MEI4: variants seen among roughly 807,000 people sequenced by gnomAD.
The protein encoded by MEI4 is meiosis-specific protein MEI4.
MEI4 carries 27 observed loss-of-function variants against 31.4 expected under a neutral mutation model. The ratio of observed to expected loss-of-function variants is 0.86; its 90% CI spans 0.63 to 1.19. MEI4 has a LOEUF of 1.19. MEI4 is among the 50% of genes most tolerant of loss of function. The pLI is 0.00. For missense variants in MEI4, 329 were observed against 398.9 expected, an observed-to-expected ratio of 0.82 and a Z score of 1.49; for synonymous variants, 122 against 145.4, an observed-to-expected ratio of 0.84 and a Z score of 1.16.
At chr6:77,807,825 G>A (rs970917481) in intron 3 of MEI4, among the ~76,000 whole-genome samples, 3 of 152,110 alleles carry the variant, frequency 2.0e-5, no homozygotes, top group Non-Finnish European at 4.4e-5. Flanking sequence ...AGTTATTCCA[G>A]TGAACACCAA....
intron 4 of MEI4, among the ~76,000 whole-genome samples, chr6:77,914,727 T>A (rs1005218957): frequency 6.6e-5 from 10 of 152,146 alleles, no homozygotes; most frequent in African/African-American, 2.2e-4. Flanking sequence ...TTAGATCTAA[T>A]AATATTTGCT....
intron 4 of MEI4, among the ~76,000 whole-genome samples, chr6:77,831,009 A>G (rs567965891): frequency 2.6e-5 from 4 of 152,174 alleles, no homozygotes; most frequent in African/African-American, 9.6e-5. Flanking sequence ...GCTATCTGAC[A>G]AAGGATTAAT....
chr6:77,675,152 CTT>C (rs891375021), intron 1 of MEI4, among the ~76,000 whole-genome samples: 1 of 151,864 alleles, frequency 6.6e-6, no homozygotes, highest in Non-Finnish European at 1.5e-5. Flanking sequence ...ATGTCACTGT[CTT>C]TTTATGTTTG....
At chr6:77,743,752 G>T (rs952166638) in intron 2 of MEI4, among the ~76,000 whole-genome samples, 1 of 152,122 alleles carries the variant, frequency 6.6e-6, no homozygotes, top group African/African-American at 2.4e-5. Flanking sequence ...ACATGGCCAG[G>T]TACTCCTCTG....
chr6:77,790,272 G>A (rs1768882639), intron 3 of MEI4, among the ~76,000 whole-genome samples: 1 of 121,882 alleles, frequency 8.2e-6, no homozygotes, highest in Non-Finnish European at 1.7e-5. Context: ...GGAGGGGGGA[G>A]GGATAGCATT....
At chr6:77,786,870 A>G (rs1334258134) in intron 3 of MEI4, among the ~76,000 whole-genome samples, 1 of 152,220 alleles carries the variant, frequency 6.6e-6, no homozygotes, top group Non-Finnish European at 1.5e-5. Context: ...AATATTAACA[A>G]AGGAAGTAAA....
intron 2 of MEI4, among the ~76,000 whole-genome samples, chr6:77,705,999 A>C (rs922243355): frequency 6.6e-6 from 1 of 152,156 alleles, no homozygotes; most frequent in African/African-American, 2.4e-5. Flanking sequence ...TGGTATGCTG[A>C]GTACTTCGAA....
At chr6:77,917,999 T>C (rs1766603750) in intron 4 of MEI4, among the ~76,000 whole-genome samples, 1 of 151,870 alleles carries the variant, frequency 6.6e-6, no homozygotes, top group East Asian at 2.0e-4. Context: ...TAGCCAGTTT[T>C]CCCATCACCA....
chr6:77,809,918 G>T (rs564349025), intron 3 of MEI4, among the ~76,000 whole-genome samples: 100 of 152,098 alleles, frequency 6.6e-4, no homozygotes, highest in Non-Finnish European at 1.1e-3. Flanking sequence ...AGCAGCTCTA[G>T]TTGTGTGGCT....
At chr6:77,747,786 C>T (rs1430986315) in intron 2 of MEI4, among the ~76,000 whole-genome samples, 1 of 152,182 alleles carries the variant, frequency 6.6e-6, no homozygotes, top group African/African-American at 2.4e-5. Flanking sequence ...AATTCACAGT[C>T]CAAAGTCTCA....
At chr6:77,878,211 A>G (rs1008038863) in intron 4 of MEI4, among the ~76,000 whole-genome samples, 5 of 140,558 alleles carry the variant, frequency 3.6e-5, no homozygotes, top group African/African-American at 1.2e-4. Context: ...ATAAGTAATA[A>G]GTAAATACAT....
intron 4 of MEI4, among the ~76,000 whole-genome samples, chr6:77,857,577 C>T (rs1222745061): frequency 6.6e-6 from 1 of 152,200 alleles, no homozygotes; most frequent in African/African-American, 2.4e-5. Flanking sequence ...CTCTCCTACT[C>T]ATGAGTTACC....
intron 4 of MEI4, among the ~76,000 whole-genome samples, chr6:77,910,419 CAGAG>C (rs1554179576): frequency 1.3e-5 from 2 of 152,230 alleles, no homozygotes; most frequent in East Asian, 1.9e-4. Context: ...CAATAACAAA[CAGAG>C]AGCCAAATCA....
chr6:77,821,844 A>G (rs1474888017), intron 3 of MEI4, among the ~76,000 whole-genome samples: 4 of 145,078 alleles, frequency 2.8e-5, no homozygotes, highest in Non-Finnish European at 4.5e-5. Context: ...TACTGGTATT[A>G]TTATTATTAA....
chr6:77,849,318 A>T (rs188185609), intron 4 of MEI4, among the ~76,000 whole-genome samples: 1 of 152,266 alleles, frequency 6.6e-6, no homozygotes, highest in East Asian at 1.9e-4. Context: ...TGACAACCTC[A>T]CAGAAAATAA....
chr6:77,746,654 TG>T lies in MEI4; in HGVS notation c.233-14475del, dbSNP rs879391628. Among the ~76,000 whole-genome samples, 1,093 of 151,698 alleles carry T rather than the reference TG, an allele frequency of 7.2e-3. 41 individuals are homozygous for T. Among genetic ancestry groups the T allele is most frequent in the Admixed American group, 0.056 (850 of 15,204 alleles). ...AATATATGGCGTGTGTGTGTGTGTGTGTGTGTGTGTGTGTGTGTGTATGAAT... is the reference window on the plus strand; with the variant it reads ...AATATATGGCGTGTGTGTGTGTGTGTTGTGTGTGTGTGTGTGTGTATGAAT... On this transcript the variant is annotated intron_variant, in intron 2 of 4. Transcript: ENST00000684080.
intron 3 of MEI4, among the ~76,000 whole-genome samples, chr6:77,796,181 T>C (rs1436950471): frequency 6.6e-6 from 1 of 152,176 alleles, no homozygotes; most frequent in African/African-American, 2.4e-5. Context: ...TATCCTGTTA[T>C]GATACCATCT....
chr6:77,705,738 G>A (rs551985413), intron 2 of MEI4, among the ~76,000 whole-genome samples: 1 of 152,274 alleles, frequency 6.6e-6, no homozygotes, highest in South Asian at 2.1e-4. Context: ...TATATTACAA[G>A]TCAGTGGTGG....
At chr6:77,809,930 A>C (rs1281677273) in intron 3 of MEI4, among the ~76,000 whole-genome samples, 1 of 152,148 alleles carries the variant, frequency 6.6e-6, no homozygotes, top group Non-Finnish European at 1.5e-5. Context: ...TGTGTGGCTC[A>C]GTGAGATTTT....
Sources: gnomAD v4.1 joint callset for allele counts (sites outside exome capture counted in the v4.1 genomes callset) on GRCh38, gnomAD v4.1.1 for gene constraint, MANE v1.5 for transcripts, NCBI Gene and HGNC (gene_info 2026-07-23, HGNC 2026-07-21) for gene names.